Variants in SMOC2 observed in about 807,000 individuals in gnomAD.
The protein encoded by SMOC2 is SPARC related modular calcium binding 2.
In SMOC2, 39 loss-of-function variants were observed where a neutral mutation model predicts 61.4. That is an observed-to-expected ratio of 0.64 (90% CI 0.49 to 0.83). The LOEUF is 0.83. Among genes scored for constraint, SMOC2 ranks in the 40% least tolerant of loss-of-function variants. The pLI is 0.00. For missense variants in SMOC2, 556 were observed against 592.9 expected (o/e 0.94, Z 0.65); for synonymous variants, 247 against 239.9 (o/e 1.03, Z -0.27).
chr6:168,552,455 A>G (rs1359290301), intron 7 of SMOC2, among the ~76,000 whole-genome samples: 1 of 152,132 alleles, frequency 6.6e-6, no homozygotes, highest in Non-Finnish European at 1.5e-5. Flanking sequence ...CCAAACTGAA[A>G]ATGCATTGCT....
At chr6:168,656,239 G>A (rs528359382) in intron 11 of SMOC2, among the ~76,000 whole-genome samples, 31 of 152,202 alleles carry the variant, frequency 2.0e-4, no homozygotes, top group African/African-American at 7.0e-4. Context: ...GGCAAGTCAC[G>A]GTGGCTCACA....
chr6:168,621,980 T>C (rs1786258529), intron 9 of SMOC2, among the ~76,000 whole-genome samples: 2 of 150,684 alleles, frequency 1.3e-5, no homozygotes, highest in Admixed American at 6.6e-5. Context: ...TTTTTTTTTT[T>C]CTTGAGATGG....
intron 10 of SMOC2, 120 bp downstream of exon 10, chr6:168,650,903 T>A: frequency 1.2e-6 from 1 of 854,354 alleles, no homozygotes; most frequent in Non-Finnish European, 1.8e-6. Context: ...AGTAGGGCCT[T>A]AAAAAGGAGC....
intron 8 of SMOC2, among the ~76,000 whole-genome samples, chr6:168,602,802 G>A (rs1785584248): frequency 6.6e-6 from 1 of 152,238 alleles, no homozygotes; most frequent in African/African-American, 2.4e-5. Context: ...GCAGGTCAGG[G>A]TGCCGGCACA....
At chr6:168,627,243 AG>A (rs1786437012) in intron 9 of SMOC2, among the ~76,000 whole-genome samples, 1 of 152,194 alleles carries the variant, frequency 6.6e-6, no homozygotes, top group Non-Finnish European at 1.5e-5. Flanking sequence ...GTTATGCCAA[AG>A]GCTGATAATT....
chr6:168,521,642 A>G (rs1205964802), intron 2 of SMOC2, among the ~76,000 whole-genome samples: 1 of 152,236 alleles, frequency 6.6e-6, no homozygotes, highest in African/African-American at 2.4e-5. Context: ...TAATCCCAGC[A>G]TTCTGGGAGG....
At chr6:168,500,590 G>T (rs1347166210) in intron 1 of SMOC2, among the ~76,000 whole-genome samples, 3 of 152,066 alleles carry the variant, frequency 2.0e-5, no homozygotes, top group Non-Finnish European at 4.4e-5. Flanking sequence ...GATTCTGTAG[G>T]GACCCCGGGT....
intron 7 of SMOC2, among the ~76,000 whole-genome samples, chr6:168,557,356 T>C (rs1252386492): frequency 6.6e-6 from 1 of 152,216 alleles, no homozygotes; most frequent in Non-Finnish European, 1.5e-5. Flanking sequence ...CATAACTAAA[T>C]TTATCCAATT....
intron 1 of SMOC2, among the ~76,000 whole-genome samples, chr6:168,468,927 T>C (rs1179775509): frequency 6.6e-6 from 1 of 152,268 alleles, no homozygotes; most frequent in African/African-American, 2.4e-5. Context: ...TTATCCATAA[T>C]TCTGTTTCTT....
intron 7 of SMOC2, among the ~76,000 whole-genome samples, chr6:168,579,166 T>C (rs528036328): frequency 6.6e-6 from 1 of 152,356 alleles, no homozygotes; most frequent in Non-Finnish European, 1.5e-5. Context: ...TGTGTCCTGT[T>C]CCCCTCGGGG....
chr6:168,666,248 GA>G (rs1327564370), intron 12 of SMOC2, among the ~76,000 whole-genome samples, 172 bp from the exon 13 acceptor site: 4 of 152,094 alleles, frequency 2.6e-5, no homozygotes, highest in African/African-American at 9.7e-5. Flanking sequence ...AAACTGTTAA[GA>G]AGTTACCAGT....
chr6:168,607,869 T>TCCAACCCTGCAACGGGAGGAGGGGGAG (rs1440562829), intron 8 of SMOC2, among the ~76,000 whole-genome samples: 7 of 56,666 alleles, frequency 1.2e-4, no homozygotes, highest in Admixed American at 4.4e-4. Context: ...TGTGGGTGCT[T>TCCAACCCTGCAACGGGAGGAGGGGGAG]GGCAGCTGCT....
chr6:168,568,230 CT>C (rs1470369090), intron 7 of SMOC2, among the ~76,000 whole-genome samples: 1 of 152,130 alleles, frequency 6.6e-6, no homozygotes, highest in African/African-American at 2.4e-5. Context: ...GAGTCGGTGT[CT>C]CATATTAGCA....
chr6:168,492,095 C>T (rs1782482270), intron 1 of SMOC2, among the ~76,000 whole-genome samples: 1 of 152,186 alleles, frequency 6.6e-6, no homozygotes, highest in East Asian at 1.9e-4. Context: ...ATAATGTCTC[C>T]CCAATTTTTT....
chr6:168,571,331 C>T (rs55791031), intron 7 of SMOC2, among the ~76,000 whole-genome samples: 24 of 152,158 alleles, frequency 1.6e-4, no homozygotes, highest in South Asian at 1.2e-3. Context: ...TATTCTGTTA[C>T]GCAGTGCTGC....
At chr6:168,619,226 A>G (rs1786183120) in intron 9 of SMOC2, among the ~76,000 whole-genome samples, 1 of 152,250 alleles carries the variant, frequency 6.6e-6, no homozygotes, top group Non-Finnish European at 1.5e-5. Context: ...AGCAGGGAGC[A>G]TTCTGAACGA....
Position 168,667,890 on chromosome 6 carries a change from AG to A in SMOC2, c.*1453del, listed in dbSNP as rs1274340289. On this transcript the variant is annotated 3_prime_UTR_variant, in exon 13 of 13. Coordinates refer to ENST00000356284, the MANE Select transcript of SMOC2 (RefSeq NM_001166412.2). ...CTCAAGTACATGCCAATGTTGTTTA[AG>A]AAACAGTTATGATCCTAAACTTTTT... 2 of 152,252 alleles carry A rather than the reference AG, an allele frequency of 1.3e-5. No individual in the cohort carries two copies. The highest frequency in any genetic ancestry group is 2.9e-5 in the Non-Finnish European group (2 of 68,050). The allele number at this position is 152,252 out of a possible 1,614,324, so 9.4% of individuals were successfully genotyped here.
At chr6:168,631,713 C>A (rs573623818) in intron 9 of SMOC2, among the ~76,000 whole-genome samples, 2 of 146,472 alleles carry the variant, frequency 1.4e-5, no homozygotes, top group Non-Finnish European at 2.9e-5. Context: ...TGGTTTGGTG[C>A]ACGTGTTTCT....
In SMOC2 at chr6:168,527,713, C is replaced by A. The variant is rs41266323; in HGVS notation, c.449C>A (p.Thr150Lys). ...AGCGGCACTGCCGTGGCCCACAAGA[C>A]GCCCCGGTGCCCGGGTAGGTCTGAC... The part of the protein sequence containing the change: ...PISGTAVAHK[T>K]PRCPGSVNEK... Residue 150 changes from threonine (T) to lysine (K), a missense_variant, in exon 4 of 13, where the codon ACG (threonine) becomes AAG (lysine). By Grantham distance (78) the Thr-to-Lys change is moderately conservative. Transcript: ENST00000356284. The A allele has an allele frequency of 6.4e-7, 1 of 1,551,052 alleles. No homozygotes were observed. Among genetic ancestry groups the A allele is most frequent in the East Asian group, 2.4e-5 (1 of 40,994 alleles).
Sources: allele counts gnomAD v4.1 joint callset (sites outside exome capture counted in the v4.1 genomes callset), GRCh38; gene constraint gnomAD v4.1.1; transcripts MANE v1.5; gene names NCBI Gene and HGNC (gene_info 2026-07-23, HGNC 2026-07-21).